The following PRKN variants were observed in gnomAD, a reference collection of about 807,000 sequenced individuals.
The protein encoded by PRKN is E3 ubiquitin-protein ligase parkin.
A neutral mutation model predicts 59.5 loss-of-function variants in PRKN; 56 were observed. The observed-to-expected ratio is 0.94, with a 90% CI of 0.76 to 1.18. PRKN has a LOEUF of 1.18. Among genes scored for constraint, PRKN ranks in the 50% most tolerant of loss-of-function variants. The probability of loss-of-function intolerance (pLI) is 0.00; values close to 1 mark genes in which losing one functional copy is unlikely to be tolerated. For missense variants in PRKN, 657 were observed against 596.4 expected (o/e 1.10, Z -1.06); for synonymous variants, 250 against 222.1 (o/e 1.13, Z -1.12).
At position 161,405,372 on chromosome 6, in the gene PRKN, G is replaced by A. The variant is rs1583026274; in HGVS notation, c.1084-18495C>T. 6.6e-6 allele frequency among the ~76,000 whole-genome samples: 1 copy of A among 152,030 alleles called. No individual in the cohort carries two copies. The highest frequency in any genetic ancestry group is 1.5e-5 in the Non-Finnish European group (1 of 68,022). The stretch of plus-strand genomic sequence containing the variant: ...GCAGGTGGATCAATTGAGGTCAGGA[G>A]TTCGAGACCAGCCTGGCCAACATGG... On this transcript the variant is annotated intron_variant, in intron 9 of 11. Coordinates refer to ENST00000366898, the MANE Select transcript of PRKN (RefSeq NM_004562.3). This position sits in a 1 kb window ranked among gnomAD's most constrained non-coding sequence, Gnocchi z 5.1.
intron 2 of PRKN, among the ~76,000 whole-genome samples, chr6:162,284,144 C>T (rs145041577): frequency 6.6e-6 from 1 of 151,300 alleles, no homozygotes; most frequent in African/African-American, 2.4e-5. Flanking sequence ...GCCCAGGATC[C>T]ACTAATGTAA....
At chr6:161,630,329 A>G (rs1203964509) in intron 7 of PRKN, among the ~76,000 whole-genome samples, 2 of 152,144 alleles carry the variant, frequency 1.3e-5, no homozygotes, top group Non-Finnish European at 2.9e-5. Flanking sequence ...TCTGAGGCTC[A>G]GCTTCCCTGT....
Position 161,474,157 on chromosome 6 carries a change from C to T in PRKN, c.1083+74697G>A, listed in dbSNP as rs147701438. Among the ~76,000 whole-genome samples, 687 of 152,248 alleles carry T rather than the reference C, an allele frequency of 4.5e-3. 3 individuals carry two copies. Among genetic ancestry groups the T allele is most frequent in the African/African-American group, 0.015 (640 of 41,538 alleles). ...GTGGTGGCATGGATTTGTATTATGG[C>T]GCCACTGTTTACTAGTACCATGTAC... On this transcript the variant is annotated intron_variant, in intron 9 of 11. Transcript: ENST00000366898.
At chr6:161,991,353 T>C (rs1025486276) in intron 5 of PRKN, among the ~76,000 whole-genome samples, 2 of 152,038 alleles carry the variant, frequency 1.3e-5, no homozygotes, top group Admixed American at 1.3e-4. Context: ...AGGACTCAAA[T>C]GCTACTATTA....
At chr6:162,653,743 T>C (rs1778535412) in intron 1 of PRKN, among the ~76,000 whole-genome samples, 2 of 152,326 alleles carry the variant, frequency 1.3e-5, no homozygotes, top group Admixed American at 1.3e-4. Context: ...GAAATGTTTA[T>C]AAAAATTACC....
chr6:162,142,077 T>G (rs181088750), intron 4 of PRKN, among the ~76,000 whole-genome samples: 1 of 152,292 alleles, frequency 6.6e-6, no homozygotes, highest in Non-Finnish European at 1.5e-5. Flanking sequence ...GCTTAAAAGA[T>G]TTTAGTTCAC....
At chr6:162,432,879 C>A (rs1789604141) in intron 2 of PRKN, among the ~76,000 whole-genome samples, 1 of 152,166 alleles carries the variant, frequency 6.6e-6, no homozygotes, top group South Asian at 2.1e-4. Context: ...AATTGCTCCC[C>A]CAAATAAAAT....
chr6:162,219,146 C>T (rs1447760078), intron 3 of PRKN, among the ~76,000 whole-genome samples: 1 of 152,100 alleles, frequency 6.6e-6, no homozygotes, highest in Non-Finnish European at 1.5e-5. Context: ...AGCCATGATC[C>T]TGCCACTGTA....
At chr6:162,024,532 T>G (rs1178824023) in intron 5 of PRKN, among the ~76,000 whole-genome samples, 1 of 152,230 alleles carries the variant, frequency 6.6e-6, no homozygotes, top group Non-Finnish European at 1.5e-5. Flanking sequence ...CATTTACCAC[T>G]TTTTTGTTAA....
In PRKN at chr6:161,875,005, T is replaced by A. The variant is rs867234429; in HGVS notation, c.735-89097A>T. 6.4e-3 allele frequency among the ~76,000 whole-genome samples: 656 copies of A among 103,286 alleles called. 32 individuals carry two copies. Among genetic ancestry groups the A allele is most frequent in the African/African-American group, 0.027 (606 of 22,314 alleles). 67.8% of individuals were successfully genotyped at this position (103,286 alleles called of 152,430 possible). On this transcript the variant is annotated intron_variant, in intron 6 of 11. Transcript: ENST00000366898. ...ATTATATACTTTATATATAATATAT[T>A]ATATATTATATATAAAGTATATAAT...
At chr6:162,709,386 T>C (rs1414172357) in intron 1 of PRKN, among the ~76,000 whole-genome samples, 1 of 151,948 alleles carries the variant, frequency 6.6e-6, no homozygotes, top group Non-Finnish European at 1.5e-5. Flanking sequence ...TTTTTTTTTT[T>C]TTTTTAATAA....
rs1237871379 is a variant in PRKN, at chr6:162,727,693, G to C, written c.-25C>G. ...TGGTCACTGGGTAGGTGGCGGCTGCGGGCCAGGAACAGGCCCATGCGCGCA... is the reference window on the plus strand; with the variant it reads ...TGGTCACTGGGTAGGTGGCGGCTGCCGGCCAGGAACAGGCCCATGCGCGCA... On this transcript the variant is annotated 5_prime_UTR_variant, in exon 1 of 12. Transcript: ENST00000366898. 8 of 1,569,166 alleles carry C rather than the reference G, an allele frequency of 5.1e-6. No individual in the cohort carries two copies. The highest frequency in any genetic ancestry group is 1.2e-5 in the South Asian group (1 of 85,544).
chr6:161,808,025 G>A (rs886507941), intron 6 of PRKN, among the ~76,000 whole-genome samples: 25 of 152,096 alleles, frequency 1.6e-4, no homozygotes, highest in African/African-American at 5.3e-4. Context: ...TGTATTGTGC[G>A]ATCTTGAATT....
chr6:162,503,255 C>G (rs543238882), intron 1 of PRKN, among the ~76,000 whole-genome samples: 31 of 150,970 alleles, frequency 2.1e-4, no homozygotes, highest in Admixed American at 1.7e-3. Flanking sequence ...CTCTGCCTCC[C>G]GGGTTCAAGC....
intron 2 of PRKN, among the ~76,000 whole-genome samples, chr6:162,339,286 G>T (rs569849856): frequency 2.1e-5 from 3 of 140,852 alleles, no homozygotes; most frequent in East Asian, 2.2e-4. Context: ...GTCCGGGAGG[G>T]AGGTGGGGGG....
At chr6:162,286,696 A>G (rs1781207845) in intron 2 of PRKN, among the ~76,000 whole-genome samples, 1 of 152,232 alleles carries the variant, frequency 6.6e-6, no homozygotes, top group African/African-American at 2.4e-5. Flanking sequence ...CATTAGGAAC[A>G]TAAGTACCTA....
At chr6:162,265,591 T>C (rs1780094260) in intron 2 of PRKN, among the ~76,000 whole-genome samples, 1 of 152,160 alleles carries the variant, frequency 6.6e-6, no homozygotes, top group Non-Finnish European at 1.5e-5. Flanking sequence ...CTCAAGAGGC[T>C]GAGGCAGGAG....
At chr6:162,653,288 G>A (rs1778513781) in intron 1 of PRKN, among the ~76,000 whole-genome samples, 1 of 150,794 alleles carries the variant, frequency 6.6e-6, no homozygotes, top group South Asian at 2.1e-4. Flanking sequence ...AAGACATGAA[G>A]ACTGATTAAT....
Position 162,469,027 on chromosome 6 carries a change from AC to A in PRKN, c.8-25555del, listed in dbSNP as rs1316399522. 9.2e-5 allele frequency among the ~76,000 whole-genome samples: 14 copies of A among 152,272 alleles called. 1 individual carries two copies. The highest frequency in any genetic ancestry group is 3.4e-4 in the African/African-American group (14 of 41,574). On this transcript the variant is annotated intron_variant, in intron 1 of 11. Transcript: ENST00000366898. ...AATCCAAAATACCAACTACATATTTACAAAATGGGGGAAATATGGAATGTAT... is the reference window on the plus strand; with the variant it reads ...AATCCAAAATACCAACTACATATTTAAAAATGGGGGAAATATGGAATGTAT...
Sources: gnomAD v4.1 joint callset for allele counts (sites outside exome capture counted in the v4.1 genomes callset) on GRCh38, gnomAD v4.1.1 for gene constraint, Gnocchi (gnomAD v3.1) non-coding constraint, MANE v1.5 for transcripts, NCBI Gene and HGNC (gene_info 2026-07-23, HGNC 2026-07-21) for gene names.